Variants in SLC8A1 observed in about 807,000 individuals in gnomAD.
SLC8A1 encodes solute carrier family 8 member A1.
SLC8A1 carries 18 observed loss-of-function variants against 68.3 expected under a neutral mutation model. The ratio of observed to expected loss-of-function variants is 0.26; its 90% CI spans 0.18 to 0.39. The LOEUF (loss-of-function observed/expected upper bound fraction) is 0.39, where lower values mean the gene tolerates loss of function less well. SLC8A1 is among the 10% of genes least tolerant of loss of function. SLC8A1 has a pLI of 1.00. For synonymous variants in SLC8A1, 475 were observed against 415.5 expected (o/e 1.14, Z -1.74); for missense variants, 985 against 1,156.7 (o/e 0.85, Z 2.15).
exon 8 of SLC8A1, chr2:40,115,281 T>A: frequency 6.2e-7 from 1 of 1,613,068 alleles, no homozygotes; most frequent in Non-Finnish European, 8.5e-7. Context: ...GCAGTAGGCC[T>A]CCAGGGAGGA....
intron 2 of SLC8A1, among the ~76,000 whole-genome samples, chr2:40,303,319 C>T (rs117219158): frequency 6.6e-6 from 1 of 152,314 alleles, no homozygotes; most frequent in South Asian, 2.1e-4. Flanking sequence ...GTTGCACACA[C>T]ATTCATCACA....
chr2:40,314,614 A>G (rs1244616234), intron 2 of SLC8A1, among the ~76,000 whole-genome samples: 1 of 152,030 alleles, frequency 6.6e-6, no homozygotes, highest in Admixed American at 6.6e-5. Flanking sequence ...TCTTAAAAAT[A>G]TGATGTTTTC....
chr2:40,313,820 T>G lies in SLC8A1; in HGVS notation c.1808+114653A>C, dbSNP rs189753643. On this transcript the variant is annotated intron_variant, in intron 2 of 7. Transcript: ENST00000406785. ...AGCATATTTCCATGTGCTTATTTGT[T>G]AACATATATTTTCTTTAGTGAAATA... is the stretch of plus-strand genomic sequence containing the variant. Among the ~76,000 whole-genome samples, 516 of 152,238 alleles carry G rather than the reference T, an allele frequency of 3.4e-3. 15 individuals carry two copies. The highest frequency in any genetic ancestry group is 9.4e-4 in the Non-Finnish European group (64 of 68,000).
At chr2:40,297,765 G>T (rs1271545780) in intron 2 of SLC8A1, among the ~76,000 whole-genome samples, 1 of 152,140 alleles carries the variant, frequency 6.6e-6, no homozygotes, top group Non-Finnish European at 1.5e-5. Flanking sequence ...ACAGTCTCAA[G>T]AAATGAATGA....
At chr2:40,143,077 A>G (rs1481380448) in intron 6 of SLC8A1, among the ~76,000 whole-genome samples, 1 of 152,116 alleles carries the variant, frequency 6.6e-6, no homozygotes, top group Non-Finnish European at 1.5e-5. Flanking sequence ...ATCTGCTTTT[A>G]TAACATTTGA....
At chr2:40,312,296 T>C (rs1401104863) in intron 2 of SLC8A1, among the ~76,000 whole-genome samples, 1 of 152,102 alleles carries the variant, frequency 6.6e-6, no homozygotes, top group Non-Finnish European at 1.5e-5. Context: ...CAATAGATCA[T>C]GATTATTTTC....
chr2:40,199,876 A>G (rs2053795088), intron 2 of SLC8A1, among the ~76,000 whole-genome samples: 1 of 151,454 alleles, frequency 6.6e-6, no homozygotes, highest in Admixed American at 6.6e-5. Context: ...ATATTTGGCA[A>G]AGGCAAGACT....
At chr2:40,299,535 T>A (rs998694097) in intron 2 of SLC8A1, among the ~76,000 whole-genome samples, 1 of 105,528 alleles carries the variant, frequency 9.5e-6, no homozygotes, top group Non-Finnish European at 1.7e-5. Flanking sequence ...CAAAGGAGAT[T>A]TAAAGTGACA....
At chr2:40,433,091 T>C (rs1277266824) in intron 1 of SLC8A1, among the ~76,000 whole-genome samples, 1 of 152,156 alleles carries the variant, frequency 6.6e-6, no homozygotes, top group Non-Finnish European at 1.5e-5. Flanking sequence ...TTCAAATTAC[T>C]GCCAAATCGC....
intron 2 of SLC8A1, among the ~76,000 whole-genome samples, chr2:40,309,502 CT>C (rs34863585): frequency 0.013 from 1,551 of 123,230 alleles, 6 homozygotes; most frequent in African/African-American, 0.021. Context: ...GAATATTTTA[CT>C]TTTTTTTTTT....
At chr2:40,293,377 C>G (rs1397099394) in intron 2 of SLC8A1, among the ~76,000 whole-genome samples, 1 of 152,138 alleles carries the variant, frequency 6.6e-6, no homozygotes, top group Non-Finnish European at 1.5e-5. Context: ...AAAAAATTGA[C>G]AGCCATAACT....
chr2:40,160,697 G>A, intron 6 of SLC8A1, 68 bp downstream of exon 9: 1 of 1,376,966 alleles, frequency 7.3e-7, no homozygotes, highest in Non-Finnish European at 1.0e-6. Context: ...AGACCAAGTA[G>A]CCACAGTAGG....
chr2:40,108,756 G>A (rs13413035), exon 8 of SLC8A1: 3,726 of 152,250 alleles, frequency 0.024, 66 homozygotes, highest in Non-Finnish European at 0.041. Context: ...TGGTTACATA[G>A]TTGGTTACTT....
chr2:40,359,825 G>C (rs1488444427), intron 2 of SLC8A1, among the ~76,000 whole-genome samples: 1 of 151,694 alleles, frequency 6.6e-6, no homozygotes, highest in Non-Finnish European at 1.5e-5. Flanking sequence ...CTTTACATAG[G>C]ATAAAATATT....
At chr2:40,325,862 T>C (rs2075769402) in intron 2 of SLC8A1, among the ~76,000 whole-genome samples, 1 of 151,046 alleles carries the variant, frequency 6.6e-6, no homozygotes, top group Non-Finnish European at 1.5e-5. Flanking sequence ...TGATATTCGA[T>C]ATTTCTTTAA....
At chr2:40,494,103 G>A (rs1160565146) in intron 1 of SLC8A1, among the ~76,000 whole-genome samples, 1 of 150,788 alleles carries the variant, frequency 6.6e-6, no homozygotes, top group Non-Finnish European at 1.5e-5. Context: ...TGAATCATTT[G>A]ACCTGCATTT....
chr2:40,109,402 T>C lies in SLC8A1; in HGVS notation c.*5851A>G, dbSNP rs908996509. ...TTGATAGAATAAAAGGCTAGGTCGA[T>C]GGGCAGCACTGAAGCATAATAAATA... On this transcript the variant is annotated 3_prime_UTR_variant, in exon 8 of 8. Transcript: ENST00000406785. 3 of 152,158 alleles carry C rather than the reference T, an allele frequency of 2.0e-5. 1 individual carries two copies. Among genetic ancestry groups the C allele is most frequent in the Non-Finnish European group, 1.5e-5 (1 of 68,012 alleles). 9.4% of individuals were successfully genotyped at this position (152,158 alleles called of 1,614,324 possible). A position where few individuals can be genotyped will look rare whatever the true frequency, so the allele number is the denominator to read the frequency against.
chr2:40,437,067 G>A (rs1485995788), intron 1 of SLC8A1, among the ~76,000 whole-genome samples: 2 of 152,090 alleles, frequency 1.3e-5, no homozygotes, highest in African/African-American at 2.4e-5. Flanking sequence ...ATTATCATTC[G>A]CATTTTACAA....
At chr2:40,502,160 T>C (rs899292017) in intron 1 of SLC8A1, among the ~76,000 whole-genome samples, 1 of 152,076 alleles carries the variant, frequency 6.6e-6, no homozygotes, top group African/African-American at 2.4e-5. Context: ...ATCTAAATAC[T>C]ATTGAACTTA....
Sources: gnomAD v4.1 joint callset for allele counts (sites outside exome capture counted in the v4.1 genomes callset) on GRCh38, gnomAD v4.1.1 for gene constraint, MANE v1.5 for transcripts, NCBI Gene and HGNC (gene_info 2026-07-23, HGNC 2026-07-21) for gene names.